The following ZFHX4 variants were observed in gnomAD, a reference collection of about 807,000 sequenced individuals.
ZFHX4 encodes the protein zinc finger homeobox 4.
Under a neutral mutation model 267.6 loss-of-function variants are expected in ZFHX4, and 56 were observed. The observed-to-expected ratio is 0.21, with a 90% CI of 0.17 to 0.26. ZFHX4 has a LOEUF of 0.26. Ranked by LOEUF, ZFHX4 falls within the 10% of genes least tolerant of loss-of-function variation. The probability of loss-of-function intolerance (pLI) is 1.00; values close to 1 mark genes in which losing one functional copy is unlikely to be tolerated. For missense variants in ZFHX4, 4,332 were observed against 4,420.0 expected (o/e 0.98, Z 0.56); for synonymous variants, 1,778 against 1,665.6 (o/e 1.07, Z -1.64).
At position 76,863,299 on chromosome 8, in the gene ZFHX4, G is replaced by A; in HGVS notation, c.9585G>A (p.Lys3195=). 1.2e-6 allele frequency: 2 copies of A among 1,612,810 alleles called. No homozygotes were observed. Among genetic ancestry groups the A allele is most frequent in the African/African-American group, 1.3e-5 (1 of 74,758 alleles). ...QNKESEKKQT[K]PNKVKKIKEE... is the part of the protein sequence containing the mutation. ...AAGAATCTGAGAAAAAGCAAACTAA[G>A]CCAAACAAGGTGAAAAAAATCAAAG... Residue 3195 remains lysine (K), a synonymous_variant, in exon 11 of 11, where the codon AAG becomes AAA. Transcript: ENST00000651372.
rs187321756 is a variant in ZFHX4 at position 76,853,903 on chromosome 8, A to G, written c.6982A>G (p.Ile2328Val). The G allele has an allele frequency of 6.4e-5, 104 of 1,613,962 alleles. No individual in the cohort carries two copies. The highest frequency in any genetic ancestry group is 8.1e-5 in the Non-Finnish European group (95 of 1,179,866). ...GGTTTTCCCCAGGATCTTTGACTTGATTACGCATCAGAAAAAGCAGTGTTA... is the reference window on the plus strand; with the variant it reads ...GGTTTTCCCCAGGATCTTTGACTTGGTTACGCATCAGAAAAAGCAGTGTTA... ...NVVFPRIFDL[I>V]THQKKQCYKD... Residue 2328 changes from isoleucine to valine, a missense_variant, in exon 10 of 11, where the codon ATT (isoleucine) becomes GTT (valine). Around this residue, in one of 7 missense-constraint regions of ZFHX4, gnomAD observed 1,648 missense variants for 1,625.0 expected, o/e 1.01. Transcript: ENST00000651372.
At chr8:76,825,953 G>A (rs1811774064) in intron 4 of ZFHX4, among the ~76,000 whole-genome samples, 1 of 152,172 alleles carries the variant, frequency 6.6e-6, no homozygotes, top group Non-Finnish European at 1.5e-5. Flanking sequence ...TTGCTTGAGA[G>A]TAAAGGTACC....
At chr8:76,763,624 A>AAAAC (rs570214260) in intron 3 of ZFHX4, among the ~76,000 whole-genome samples, 1 of 152,276 alleles carries the variant, frequency 6.6e-6, no homozygotes, top group African/African-American at 2.4e-5. Flanking sequence ...CCCTGTCTCC[A>AAAAC]AAACAAACAA....
intron 3 of ZFHX4, among the ~76,000 whole-genome samples, chr8:76,718,924 A>C (rs1395564924): frequency 3.5e-5 from 5 of 143,146 alleles, no homozygotes; most frequent in Non-Finnish European, 6.0e-5. Context: ...AAGAAAGTAC[A>C]CTGAAATTGA....
intron 4 of ZFHX4, among the ~76,000 whole-genome samples, chr8:76,812,347 A>T (rs1030102514): frequency 6.6e-6 from 1 of 152,200 alleles, no homozygotes; most frequent in East Asian, 1.9e-4. Context: ...AGCTTGTGAT[A>T]CCTGGGGTGA....
chr8:76,854,452 C>G lies in ZFHX4; in HGVS notation c.7531C>G (p.His2511Asp). Residue 2511 changes from histidine to aspartate, a missense_variant, in exon 10 of 11, where the codon CAC becomes GAC. His to Asp is a moderately conservative substitution (Grantham distance 81). This residue lies in a region of ZFHX4 where 1,648 missense variants were observed against 1,625.0 expected (regional missense o/e 1.01). Coordinates refer to ENST00000651372, the MANE Select transcript of ZFHX4 (RefSeq NM_024721.5). ...CCCAACTCTGGAACTCTGGCAGGAA[C>G]ACCAGCACATGCACTTCCTTGCTGC... is the stretch of plus-strand genomic sequence containing the variant. Reference protein sequence around the residue: ...AFPTLELWQEHQHMHFLAAQN... With the variant: ...AFPTLELWQEDQHMHFLAAQN... 6.2e-7 allele frequency: 1 copy of G among 1,613,990 alleles called. No individual in the cohort carries two copies.
In ZFHX4 at chr8:76,705,473, T is replaced by A; in HGVS notation, c.1385T>A (p.Val462Asp). 6.2e-7 allele frequency: 1 copy of A among 1,613,682 alleles called. No homozygotes were observed. Among genetic ancestry groups the A allele is most frequent in the African/African-American group, 1.3e-5 (1 of 75,012 alleles). ...TTACACCCAAACGGGGAGTGCCCTGTCAAAAGTGAACCCACTGAACCGGGA... is the reference window on the plus strand; with the variant it reads ...TTACACCCAAACGGGGAGTGCCCTGACAAAAGTGAACCCACTGAACCGGGA... Reference protein sequence around the residue: ...NVLHPNGECPVKSEPTEPGDE... With the variant: ...NVLHPNGECPDKSEPTEPGDE... The change falls in exon 2 of 11, where the codon GTC becomes GAC. Residue 462 changes from valine to aspartate, a missense_variant. Around this residue, in one of 7 missense-constraint regions of ZFHX4, gnomAD observed 1,195 missense variants for 1,173.6 expected, o/e 1.02. Coordinates refer to ENST00000651372, the MANE Select transcript of ZFHX4 (RefSeq NM_024721.5).
Position 76,850,886 on chromosome 8 carries a change from G to A in ZFHX4, c.3965G>A (p.Gly1322Asp). ...VTAEGSGKYSGESPMDDKSMA... is the reference protein window; with the variant it reads ...VTAEGSGKYSDESPMDDKSMA... ...AGATGTTTGTGCTTTTTCCTAATAG[G>A]TGAAAGTCCAATGGATGACAAAAGC... is the stretch of plus-strand genomic sequence containing the variant. Residue 1322 changes from glycine (G) to aspartate (D), a missense_variant and splice_region_variant, in exon 10 of 11, where the codon GGT (glycine) becomes GAT (aspartate). Gly to Asp is a moderately conservative substitution (Grantham distance 94). Around this residue, in one of 7 missense-constraint regions of ZFHX4, gnomAD observed 1,371 missense variants for 1,423.1 expected, o/e 0.96. Coordinates refer to ENST00000651372, the MANE Select transcript of ZFHX4 (RefSeq NM_024721.5). 2 of 1,591,340 alleles carry A rather than the reference G, an allele frequency of 1.3e-6. No homozygotes were observed. The highest frequency in any genetic ancestry group is 1.7e-6 in the Non-Finnish European group (2 of 1,170,332).
rs1191858376 is a variant in ZFHX4, at chr8:76,850,291, C to A, written c.3893C>A (p.Ala1298Glu). Residue 1298 changes from alanine (A) to glutamate (E), a missense_variant, in exon 9 of 11, where the codon GCA (alanine) becomes GAA (glutamate). By Grantham distance (107) the Ala-to-Glu change is moderately radical. Coordinates refer to ENST00000651372, the MANE Select transcript of ZFHX4 (RefSeq NM_024721.5). ...ATGCCAAACAGTATGCTACTGCCAGCAGCTGCCTCTGAGAAATCAGAGCGG... is the reference window on the plus strand; with the variant it reads ...ATGCCAAACAGTATGCTACTGCCAGAAGCTGCCTCTGAGAAATCAGAGCGG... Reference protein sequence around the residue: ...VMMPNSMLLPAAASEKSERDT... With the variant: ...VMMPNSMLLPEAASEKSERDT... The A allele has an allele frequency of 6.2e-7, 1 of 1,613,218 alleles. No individual in the cohort carries two copies. Among genetic ancestry groups the A allele is most frequent in the Non-Finnish European group, 8.5e-7 (1 of 1,179,704 alleles).
intron 4 of ZFHX4, among the ~76,000 whole-genome samples, chr8:76,781,422 T>C (rs1034097310): frequency 2.0e-4 from 30 of 152,086 alleles, no homozygotes; most frequent in African/African-American, 7.0e-4. Flanking sequence ...TTTTAAAATA[T>C]GTACTATAGG....
intron 10 of ZFHX4, 52 bp downstream of exon 10, chr8:76,856,352 A>G (rs1812728114): frequency 1.9e-6 from 3 of 1,595,914 alleles, no homozygotes; most frequent in Non-Finnish European, 2.6e-6. Context: ...CATCAGGTAG[A>G]CAGTCACATG....
At chr8:76,690,025 G>A (rs563460566) in intron 1 of ZFHX4, among the ~76,000 whole-genome samples, 5 of 152,064 alleles carry the variant, frequency 3.3e-5, no homozygotes, top group South Asian at 4.2e-4. Context: ...TCAGGTTAGC[G>A]GTTCACACAC....
At chr8:76,834,941 C>G (rs1812030498) in intron 5 of ZFHX4, among the ~76,000 whole-genome samples, 1 of 150,584 alleles carries the variant, frequency 6.6e-6, no homozygotes, top group Admixed American at 6.6e-5. Context: ...AGGTTTGTGT[C>G]TGGACTCTTT....
rs1179129356 is a variant in ZFHX4, at chr8:76,854,048, C to G, written c.7127C>G (p.Ala2376Gly). ...VSGQTDAAKN[A>G]AAPAASSGSG... ...GGCCAAACGGATGCAGCTAAAAACG[C>G]TGCTGCCCCTGCAGCAAGTTCTGGC... Residue 2376 changes from alanine to glycine, a missense_variant, in exon 10 of 11, where the codon GCT becomes GGT. Physicochemically the swap from Ala to Gly is moderately conservative, Grantham distance 60. Transcript: ENST00000651372. 6.2e-7 allele frequency: 1 copy of G among 1,613,962 alleles called. No individual in the cohort carries two copies. Among genetic ancestry groups the G allele is most frequent in the Middle Eastern group, 1.6e-4 (1 of 6,062 alleles).
intron 1 of ZFHX4, among the ~76,000 whole-genome samples, chr8:76,698,964 C>A (rs577849653): frequency 6.6e-6 from 1 of 152,086 alleles, no homozygotes; most frequent in Non-Finnish European, 1.5e-5. Flanking sequence ...GAGGGTGTAA[C>A]AGAAGAGCCC....
At chr8:76,755,592 G>A (rs530111880) in intron 3 of ZFHX4, among the ~76,000 whole-genome samples, 1 of 152,190 alleles carries the variant, frequency 6.6e-6, no homozygotes, top group Non-Finnish European at 1.5e-5. Context: ...ATTAAATCTA[G>A]TGCTTGTGAC....
rs1228195149 is a variant in ZFHX4, at chr8:76,704,221, A to C, written c.133A>C (p.Ser45Arg). ...VAGMEPDREN[S>R]STDDNLKTDE... ...AGGGATGGAGCCTGACAGGGAAAAC[A>C]GCTCCACAGATGACAACCTGAAAAC... The change falls in exon 2 of 11, where the codon AGC (serine) becomes CGC (arginine). Residue 45 changes from serine (S) to arginine (R), a missense_variant. Around this residue, in one of 7 missense-constraint regions of ZFHX4, gnomAD observed 1,195 missense variants for 1,173.6 expected, o/e 1.02. Coordinates refer to ENST00000651372, the MANE Select transcript of ZFHX4 (RefSeq NM_024721.5). 6.2e-7 allele frequency: 1 copy of C among 1,614,042 alleles called. No homozygotes were observed. Among genetic ancestry groups the C allele is most frequent in the Non-Finnish European group, 8.5e-7 (1 of 1,179,898 alleles).
At chr8:76,839,123 A>T (rs1417876464) in intron 5 of ZFHX4, among the ~76,000 whole-genome samples, 1 of 150,780 alleles carries the variant, frequency 6.6e-6, no homozygotes, top group Non-Finnish European at 1.5e-5. Flanking sequence ...AATAAGTACA[A>T]TTGGGTGGTA....
intron 5 of ZFHX4, among the ~76,000 whole-genome samples, chr8:76,842,032 C>A (rs895274856): frequency 4.6e-5 from 7 of 152,042 alleles, no homozygotes; most frequent in Admixed American, 3.9e-4. Context: ...CTGGTGTGAA[C>A]CCGTGAATGA....
Sources: gnomAD v4.1 joint callset for allele counts (sites outside exome capture counted in the v4.1 genomes callset) on GRCh38, gnomAD v4.1.1 for gene constraint, gnomAD v4.1.1 regional missense constraint, MANE v1.5 for transcripts, NCBI Gene and HGNC (gene_info 2026-07-23, HGNC 2026-07-21) for gene names.